The following SRGN variants were observed in gnomAD, a reference collection of about 807,000 sequenced individuals.
The protein encoded by SRGN is hematopoetic proteoglycan core peptide.
In SRGN, 2 loss-of-function variants were observed where a neutral mutation model predicts 9.5. That is an observed-to-expected ratio of 0.21 (90% CI 0.09 to 0.66). The LOEUF (loss-of-function observed/expected upper bound fraction) is 0.66, where lower values mean the gene tolerates loss of function less well. Ranked by LOEUF, SRGN falls within the 30% of genes least tolerant of loss-of-function variation. The pLI is 0.83. For missense variants in SRGN, 170 were observed against 192.4 expected, an observed-to-expected ratio of 0.88 and a Z score of 0.69; for synonymous variants, 59 against 72.3, an observed-to-expected ratio of 0.82 and a Z score of 0.93.
intron 2 of SRGN, among the ~76,000 whole-genome samples, chr10:69,098,268 G>A (rs1485585277): frequency 6.6e-6 from 1 of 152,208 alleles, no homozygotes; most frequent in East Asian, 1.9e-4. Flanking sequence ...ACTGATACAT[G>A]CTACAACATA....
intron 2 of SRGN, among the ~76,000 whole-genome samples, 196 bp downstream of exon 2, chr10:69,097,427 ATTT>A (rs71035049): frequency 1.8e-5 from 2 of 111,410 alleles, no homozygotes; most frequent in Non-Finnish European, 3.6e-5. Context: ...TGCCCAGCTA[ATTT>A]TTTTTTTTTT....
chr10:69,094,384 T>A (rs1840130822), intron 1 of SRGN, among the ~76,000 whole-genome samples: 1 of 152,192 alleles, frequency 6.6e-6, no homozygotes, highest in Non-Finnish European at 1.5e-5. Flanking sequence ...TATATTAAAG[T>A]GTTTAATGTT....
chr10:69,087,724 C>T (rs1029247488), upstream of SRGN, among the ~76,000 whole-genome samples: 17 of 151,792 alleles, frequency 1.1e-4, no homozygotes, highest in Admixed American at 2.0e-4. Flanking sequence ...TGCTTGGTGA[C>T]GAAAAGGCAG....
chr10:69,091,908 AGAAAAAG>A (rs1840068282), intron 1 of SRGN, among the ~76,000 whole-genome samples: 3 of 80,554 alleles, frequency 3.7e-5, no homozygotes, highest in Admixed American at 1.4e-4. Flanking sequence ...AAAAAAAAAA[AGAAAAAG>A]AAAAGAAAAG....
chr10:69,099,849 CCA>C (rs1439971441), intron 2 of SRGN, among the ~76,000 whole-genome samples: 1 of 152,080 alleles, frequency 6.6e-6, no homozygotes, highest in Non-Finnish European at 1.5e-5. Flanking sequence ...TGTAATCCCC[CCA>C]GTTTGGGAGA....
rs117015864 is a variant in SRGN, at chr10:69,101,905, C to T, written c.228-1966C>T. ...ATCTACAAAAAATAGAAAAATTAGC[C>T]GGGCGTTGTGACTCATGCTTGTGGT... is the stretch of plus-strand genomic sequence containing the variant. On this transcript the variant is annotated intron_variant, in intron 2 of 2. Coordinates refer to ENST00000242465, the MANE Select transcript of SRGN (RefSeq NM_002727.4). Among the ~76,000 whole-genome samples, 397 of 152,134 alleles carry T rather than the reference C, an allele frequency of 2.6e-3. 11 individuals are homozygous for T. In the East Asian group the frequency reaches 0.068, roughly 26 times the overall value.
rs1840169809 is a variant in SRGN, at chr10:69,096,118, C to T, written c.80-966C>T. The stretch of plus-strand genomic sequence containing the variant: ...GACAAATTGTTATCTACTTTTCATT[C>T]CTAAGGATACTGTATGGCCCTAAAA... On this transcript the variant is annotated intron_variant, in intron 1 of 2. Coordinates refer to ENST00000242465, the MANE Select transcript of SRGN (RefSeq NM_002727.4). Among the ~76,000 whole-genome samples the T allele has an allele frequency of 2.6e-5, 4 of 152,172 alleles. No homozygotes were observed. In the South Asian group the frequency reaches 8.3e-4, roughly 32 times the overall value.
intron 1 of SRGN, among the ~76,000 whole-genome samples, chr10:69,094,256 C>T (rs1301080032): frequency 6.6e-6 from 1 of 152,124 alleles, no homozygotes; most frequent in African/African-American, 2.4e-5. Context: ...GGACAAACAG[C>T]TCTCCCAGAC....
At chr10:69,090,413 G>A (rs887511680) in intron 1 of SRGN, among the ~76,000 whole-genome samples, 2 of 152,186 alleles carry the variant, frequency 1.3e-5, no homozygotes, top group Admixed American at 1.3e-4. Context: ...GGACTGAGTG[G>A]CTTAAATAAC....
chr10:69,099,484 T>C (rs1359152517), intron 2 of SRGN, among the ~76,000 whole-genome samples: 1 of 151,882 alleles, frequency 6.6e-6, no homozygotes, highest in African/African-American at 2.4e-5. Context: ...AATTTTTTTT[T>C]GTAGAGACAG....
At chr10:69,096,272 C>T (rs1840174121) in intron 1 of SRGN, among the ~76,000 whole-genome samples, 1 of 152,138 alleles carries the variant, frequency 6.6e-6, no homozygotes, top group African/African-American at 2.4e-5. Flanking sequence ...GGAATCCTAG[C>T]GCCTGTGTGG....
At position 69,104,539 on chromosome 10, in the gene SRGN, T is replaced by A. The variant is rs1420317487; in HGVS notation, c.*419T>A. 4 of 153,314 alleles carry A rather than the reference T, an allele frequency of 2.6e-5. No individual in the cohort carries two copies. Among genetic ancestry groups the A allele is most frequent in the African/African-American group, 9.9e-5 (4 of 40,428 alleles). 9.5% of individuals were successfully genotyped at this position (153,314 alleles called of 1,614,324 possible). On this transcript the variant is annotated 3_prime_UTR_variant, in exon 3 of 3. Coordinates refer to ENST00000242465, the MANE Select transcript of SRGN (RefSeq NM_002727.4). Reference sequence around the variant, plus strand: ...TTTCTTATAAAAACAAAAAAAAAAATAATGAAACACAGTGAATTTGTAGAG... The same window carrying A: ...TTTCTTATAAAAACAAAAAAAAAAAAAATGAAACACAGTGAATTTGTAGAG...
intron 2 of SRGN, among the ~76,000 whole-genome samples, chr10:69,100,779 G>A (rs1028912317): frequency 5.3e-5 from 8 of 152,000 alleles, no homozygotes; most frequent in African/African-American, 1.9e-4. Context: ...AGGCAAGGAC[G>A]GGAGACTGAG....
At position 69,097,065 on chromosome 10, in the gene SRGN, A is replaced by T. The variant is rs112967015; in HGVS notation, c.80-19A>T. The T allele has an allele frequency of 1.2e-3, 1,909 of 1,612,318 alleles. 24 individuals are homozygous for T. In the African/African-American group the frequency reaches 0.023, roughly 20 times the overall value. On this transcript the variant is annotated intron_variant, in intron 1 of 2. Transcript: ENST00000242465. Reference sequence around the variant, plus strand: ...GCTGTGTAGTAGATACTTAGTAACAATGTGGGTTCCTCGGGCAGGTTATCC... The same window carrying T: ...GCTGTGTAGTAGATACTTAGTAACATTGTGGGTTCCTCGGGCAGGTTATCC...
intron 2 of SRGN, among the ~76,000 whole-genome samples, chr10:69,097,894 C>T (rs1393814708): frequency 6.6e-6 from 1 of 152,176 alleles, no homozygotes; most frequent in East Asian, 1.9e-4. Flanking sequence ...TCTGTAATTT[C>T]ACAACCTCTT....
At chr10:69,089,577 G>A (rs535983858) in intron 1 of SRGN, among the ~76,000 whole-genome samples, 1 of 152,278 alleles carries the variant, frequency 6.6e-6, no homozygotes, top group South Asian at 2.1e-4. Context: ...AAACAAAAAC[G>A]TTCCTTGTAT....
chr10:69,087,764 C>T (rs1347375570), upstream of SRGN, among the ~76,000 whole-genome samples: 1 of 151,718 alleles, frequency 6.6e-6, no homozygotes, highest in African/African-American at 2.4e-5. Context: ...ATAAAAAATG[C>T]AGCAGATTCT....
chr10:69,100,700 C>T (rs530449395), intron 2 of SRGN, among the ~76,000 whole-genome samples: 1 of 152,064 alleles, frequency 6.6e-6, no homozygotes, highest in Non-Finnish European at 1.5e-5. Flanking sequence ...GTGGGGGTGG[C>T]GGTGGAACTG....
At chr10:69,099,678 A>G (rs1229272714) in intron 2 of SRGN, among the ~76,000 whole-genome samples, 1 of 152,140 alleles carries the variant, frequency 6.6e-6, no homozygotes, top group Non-Finnish European at 1.5e-5. Flanking sequence ...CATCATTACA[A>G]TCTTCAATAT....
Sources: gnomAD v4.1 joint callset for allele counts (sites outside exome capture counted in the v4.1 genomes callset) on GRCh38, gnomAD v4.1.1 for gene constraint, MANE v1.5 for transcripts, NCBI Gene and HGNC (gene_info 2026-07-23, HGNC 2026-07-21) for gene names.